The following AATK variants were observed in gnomAD, a reference collection of about 807,000 sequenced individuals.
AATK encodes the protein serine/threonine-protein kinase LMTK1.
A neutral mutation model predicts 114.3 loss-of-function variants in AATK; 91 were observed. That is an observed-to-expected ratio of 0.80 (90% CI 0.67 to 0.95). The LOEUF (loss-of-function observed/expected upper bound fraction) is 0.95, where lower values mean the gene tolerates loss of function less well. Ranked by LOEUF, AATK falls within the 40% of genes least tolerant of loss-of-function variation. The pLI is 0.00. For synonymous variants in AATK, 1,075 were observed against 916.5 expected, an observed-to-expected ratio of 1.17 and a Z score of -3.12; for missense variants, 2,176 against 1,965.2, an observed-to-expected ratio of 1.11 and a Z score of -2.03.
intron 1 of AATK, among the ~76,000 whole-genome samples, chr17:81,139,522 T>C (rs7217343): frequency 0.11 from 15,980 of 146,542 alleles, 2,034 homozygotes; most frequent in African/African-American, 0.23. Flanking sequence ...ACAAGCTGCA[T>C]GGTGTCCCCC....
At chr17:81,122,959 A>T in intron 10 of AATK, 136 bp from the exon 11 acceptor site, 1 of 998,436 alleles carries the variant, frequency 1.0e-6, no homozygotes, top group Non-Finnish European at 1.4e-6. Flanking sequence ...TTGACACCCC[A>T]AATCTGCCAA....
intron 1 of AATK, among the ~76,000 whole-genome samples, chr17:81,151,533 C>T (rs1000566030): frequency 2.0e-5 from 3 of 152,122 alleles, no homozygotes; most frequent in Non-Finnish European, 2.9e-5. Context: ...CGGCCTCCCC[C>T]ATCTGGCTGG....
intron 13 of AATK, among the ~76,000 whole-genome samples, 158 bp from the exon 14 acceptor site, chr17:81,118,600 CCCCA>C (rs767833627): frequency 5.9e-5 from 9 of 152,242 alleles, no homozygotes; most frequent in Admixed American, 1.3e-4. Context: ...GACCCATTTC[CCCCA>C]CTCCTGTCAC....
At chr17:81,152,054 C>G (rs1489129043) in intron 1 of AATK, among the ~76,000 whole-genome samples, 1 of 152,182 alleles carries the variant, frequency 6.6e-6, no homozygotes, top group East Asian at 1.9e-4. Flanking sequence ...GTGGGCGGAT[C>G]ACTTGAGGTC....
chr17:81,147,803 T>C (rs890676386), intron 1 of AATK, among the ~76,000 whole-genome samples: 13 of 152,014 alleles, frequency 8.6e-5, no homozygotes, highest in African/African-American at 2.9e-4. Context: ...AATGACGTTA[T>C]GCTAAGGAAA....
intron 1 of AATK, among the ~76,000 whole-genome samples, chr17:81,136,496 A>C (rs1598938572): frequency 6.7e-6 from 1 of 149,298 alleles, no homozygotes; most frequent in South Asian, 2.1e-4. Flanking sequence ...CAGCCTTCCC[A>C]CCTCCAGGAC....
chr17:81,157,744 GC>G (rs1290104441), intron 1 of AATK, among the ~76,000 whole-genome samples: 1 of 152,340 alleles, frequency 6.6e-6, no homozygotes, highest in East Asian at 1.9e-4. Context: ...CACCTGGAAT[GC>G]CCCCGGTTCC....
rs1299760821 is a variant in AATK, at chr17:81,121,609, G to A, written c.2327C>T (p.Pro776Leu). ...TETASSGGDH[P>L]QAEPKLATEA... Reference sequence around the variant, plus strand: ...CGTGGCAAGCTTGGGCTCTGCCTGCGGGTGGTCACCCCCACTACTGGCTGT... The same window carrying A: ...CGTGGCAAGCTTGGGCTCTGCCTGCAGGTGGTCACCCCCACTACTGGCTGT... Residue 776 changes from proline (P) to leucine (L), a missense_variant, in exon 11 of 14, where the codon CCG becomes CTG. Physicochemically the swap from Pro to Leu is moderately conservative, Grantham distance 98. Transcript: ENST00000326724. 13 of 1,495,854 alleles carry A rather than the reference G, an allele frequency of 8.7e-6. No homozygotes were observed. Among genetic ancestry groups the A allele is most frequent in the South Asian group, 2.7e-5 (2 of 73,364 alleles). The allele number at this position is 1,495,854 out of a possible 1,614,324, so 92.7% of individuals were successfully genotyped here. A position where few individuals can be genotyped will look rare whatever the true frequency, so the allele number is the denominator to read the frequency against.
At chr17:81,128,434 C>A in intron 4 of AATK, 36 bp downstream of exon 4, 2 of 1,547,646 alleles carry the variant, frequency 1.3e-6, no homozygotes, top group Non-Finnish European at 1.7e-6. Context: ...TTCTGCCTCC[C>A]AGGCGGGAGT....
chr17:81,124,592 T>C, intron 9 of AATK, 135 bp downstream of exon 9: 1 of 1,441,530 alleles, frequency 6.9e-7, no homozygotes, highest in African/African-American at 1.4e-5. Flanking sequence ...ACCAGCCACT[T>C]GGGCTGCTGG....
chr17:81,142,686 A>G (rs1374772014), intron 1 of AATK, among the ~76,000 whole-genome samples: 1 of 152,170 alleles, frequency 6.6e-6, no homozygotes, highest in African/African-American at 2.4e-5. Context: ...AGACACCCCC[A>G]CAACAGGCTG....
Position 81,118,353 on chromosome 17 carries a change from G to A in AATK, c.*49C>T, listed in dbSNP as rs759366146. 1.3e-6 allele frequency: 2 copies of A among 1,560,146 alleles called. No homozygotes were observed. The highest frequency in any genetic ancestry group is 1.9e-5 in the Admixed American group (1 of 53,366). On this transcript the variant is annotated 3_prime_UTR_variant, in exon 14 of 14. Coordinates refer to ENST00000326724, the MANE Select transcript of AATK (RefSeq NM_001080395.3). ...CGGTCACCATCCTCGCTGCTGCCTG[G>A]CAGGGGCTCCGGTGACGCCAGCCTT...
At position 81,118,911 on chromosome 17, in the gene AATK, C is replaced by G. The variant is rs142886514; in HGVS notation, c.4084+469G>C. On this transcript the variant is annotated intron_variant, in intron 13 of 13. Coordinates refer to ENST00000326724, the MANE Select transcript of AATK (RefSeq NM_001080395.3). ...GCAGAGGCTGTAGGGGTAGGGACAC[C>G]TGGCAGAGATGAGCCCAGCCTGGGG... is the stretch of plus-strand genomic sequence containing the variant. Among the ~76,000 whole-genome samples the G allele has an allele frequency of 1.7e-3, 253 of 152,320 alleles. 3 individuals carry two copies. In the South Asian group the frequency reaches 0.018, roughly 11 times the overall value.
intron 1 of AATK, among the ~76,000 whole-genome samples, chr17:81,138,480 C>A (rs1187622596): frequency 6.6e-6 from 1 of 150,502 alleles, no homozygotes; most frequent in African/African-American, 2.5e-5. Context: ...CACATGCACA[C>A]ATGCATGCAC....
rs758337710 is a variant in AATK, at chr17:81,134,550, G to GGCCCCT, written c.56-55_56-50dup. ...AGTGGCCATGGCTGAGGGCCGGCCAGGCCCCTGCCCCTGCTCTGGGCTCCA... is the reference window on the plus strand; with the variant it reads ...AGTGGCCATGGCTGAGGGCCGGCCAGGCCCCTGCCCCTGCCCCTGCTCTGGGCTCCA... On this transcript the variant is annotated intron_variant, in intron 1 of 13. Transcript: ENST00000326724. The GGCCCCT allele has an allele frequency of 3.2e-6, 5 of 1,582,698 alleles. No individual in the cohort carries two copies. The African/African-American group carries it at 4.0e-5, about 13-fold the overall frequency.
intron 1 of AATK, among the ~76,000 whole-genome samples, chr17:81,157,627 C>CA (rs1277478061): frequency 6.6e-6 from 1 of 152,234 alleles, no homozygotes; most frequent in East Asian, 1.9e-4. Context: ...GCTGGACACT[C>CA]ACAAGGAATG....
Position 81,120,622 on chromosome 17 carries a change from G to T in AATK, c.3314C>A (p.Pro1105Gln). The T allele has an allele frequency of 6.5e-7, 1 of 1,545,024 alleles. No homozygotes were observed. The highest frequency in any genetic ancestry group is 1.2e-5 in the South Asian group (1 of 80,906). ...PSCSQFFLLTPVPLRSEGNSS... is the reference protein window; with the variant it reads ...PSCSQFFLLTQVPLRSEGNSS... ...GTTGCCTTCTGATCTCAGCGGAACCGGGGTCAGCAGGAAAAACTGGGAGCA... is the reference window on the plus strand; with the variant it reads ...GTTGCCTTCTGATCTCAGCGGAACCTGGGTCAGCAGGAAAAACTGGGAGCA... The change falls in exon 11 of 14, where the codon CCG becomes CAG. Residue 1105 changes from proline to glutamine, a missense_variant. Physicochemically the swap from Pro to Gln is moderately conservative, Grantham distance 76. Around this residue, in one of 4 missense-constraint regions of AATK, gnomAD observed 1,701 missense variants for 1,394.7 expected, o/e 1.22. Coordinates refer to ENST00000326724, the MANE Select transcript of AATK (RefSeq NM_001080395.3).
intron 1 of AATK, among the ~76,000 whole-genome samples, chr17:81,145,614 T>A (rs1482346208): frequency 6.6e-6 from 1 of 151,148 alleles, no homozygotes; most frequent in Admixed American, 6.6e-5. Flanking sequence ...GCTTCTGTAA[T>A]CCTAGCTACT....
intron 7 of AATK, chr17:81,125,300 G>A (rs1198548876): frequency 4.0e-6 from 3 of 747,182 alleles, no homozygotes; most frequent in Non-Finnish European, 7.6e-6. Context: ...GCCTAGAGAG[G>A]GTGAGAACCT....
Sources: gnomAD v4.1 joint callset for allele counts (sites outside exome capture counted in the v4.1 genomes callset) on GRCh38, gnomAD v4.1.1 for gene constraint, gnomAD v4.1.1 regional missense constraint, MANE v1.5 for transcripts, NCBI Gene and HGNC (gene_info 2026-07-23, HGNC 2026-07-21) for gene names.